The following RBFOX1 variants were observed in gnomAD, a reference collection of about 807,000 sequenced individuals.
RBFOX1 encodes the protein RNA binding fox-1 homolog 1.
RBFOX1 carries 8 observed loss-of-function variants against 57.7 expected under a neutral mutation model. The ratio of observed to expected loss-of-function variants is 0.14; its 90% CI spans 0.08 to 0.25. The LOEUF (loss-of-function observed/expected upper bound fraction) is 0.25. Ranked by LOEUF, RBFOX1 falls within the 10% of genes least tolerant of loss-of-function variation. RBFOX1 has a pLI of 1.00. For missense variants in RBFOX1, 611 were observed against 548.5 expected, an observed-to-expected ratio of 1.11 and a Z score of -1.14; for synonymous variants, 326 against 222.4, an observed-to-expected ratio of 1.47 and a Z score of -4.15.
At chr16:6,689,201 C>A (rs1275349862) in intron 3 of RBFOX1, among the ~76,000 whole-genome samples, 2 of 152,008 alleles carry the variant, frequency 1.3e-5, no homozygotes, top group East Asian at 1.9e-4. Context: ...GAGAGCTTAT[C>A]CTCTAAGGCT....
chr16:7,187,123 G>C (rs943489257), intron 4 of RBFOX1, among the ~76,000 whole-genome samples: 2 of 151,720 alleles, frequency 1.3e-5, no homozygotes, highest in Non-Finnish European at 2.9e-5. Flanking sequence ...GAGCCATGAT[G>C]GTGCCACTGC....
At chr16:6,765,443 G>A (rs912119045) in intron 3 of RBFOX1, among the ~76,000 whole-genome samples, 10 of 152,040 alleles carry the variant, frequency 6.6e-5, no homozygotes, top group Non-Finnish European at 1.5e-5. Context: ...CTGAATACCT[G>A]GGCAATGAAA....
chr16:7,241,268 G>C (rs1022496143), intron 4 of RBFOX1, among the ~76,000 whole-genome samples: 3 of 151,970 alleles, frequency 2.0e-5, no homozygotes, highest in Non-Finnish European at 4.4e-5. Context: ...TCTCAGTCTC[G>C]GCACTACTAT....
intron 3 of RBFOX1, among the ~76,000 whole-genome samples, chr16:5,858,099 C>T (rs1325978280): frequency 6.6e-6 from 1 of 152,050 alleles, no homozygotes. Flanking sequence ...TCCACATTGC[C>T]AAGCTAAATT....
chr16:7,354,522 G>GA (rs774062683), intron 4 of RBFOX1, among the ~76,000 whole-genome samples: 9 of 151,606 alleles, frequency 5.9e-5, no homozygotes, highest in Admixed American at 4.6e-4. Flanking sequence ...AATGAGCTTG[G>GA]AAAAAAAACT....
chr16:5,263,128 T>C (rs1311444351), intron 1 of RBFOX1, among the ~76,000 whole-genome samples: 1 of 152,162 alleles, frequency 6.6e-6, no homozygotes, highest in Non-Finnish European at 1.5e-5. Flanking sequence ...CTAATTGGGC[T>C]TCTGCTATTC....
At chr16:6,865,373 A>G (rs1396363470) in intron 3 of RBFOX1, among the ~76,000 whole-genome samples, 1 of 152,174 alleles carries the variant, frequency 6.6e-6, no homozygotes, top group Non-Finnish European at 1.5e-5. Flanking sequence ...AACATGAAAA[A>G]TGCAGAAAAA....
chr16:5,477,464 G>T (rs1471227952), intron 2 of RBFOX1, among the ~76,000 whole-genome samples: 1 of 152,188 alleles, frequency 6.6e-6, no homozygotes, highest in Non-Finnish European at 1.5e-5. Flanking sequence ...TTTCCTACCA[G>T]GTGGCCCAGA....
At chr16:6,859,297 C>T (rs2058597297) in intron 3 of RBFOX1, among the ~76,000 whole-genome samples, 1 of 150,288 alleles carries the variant, frequency 6.7e-6, no homozygotes, top group African/African-American at 2.5e-5. Flanking sequence ...GTTCCCATCT[C>T]ATTCGTTGAT....
intron 3 of RBFOX1, among the ~76,000 whole-genome samples, chr16:6,907,738 T>TCTGGTGTGACCTC (rs1555610545): frequency 1.3e-5 from 2 of 151,820 alleles, no homozygotes; most frequent in Admixed American, 6.6e-5. Context: ...GCTTGGCTTA[T>TCTGGTGTGACCTC]TTTTTTGCAT....
intron 2 of RBFOX1, among the ~76,000 whole-genome samples, chr16:6,341,131 G>T (rs1341007638): frequency 1.3e-5 from 2 of 152,170 alleles, no homozygotes; most frequent in Admixed American, 1.3e-4. Context: ...AGTTCTGGAA[G>T]TTAAAAGTCT....
chr16:5,938,583 C>G (rs2059215842), intron 4 of RBFOX1, among the ~76,000 whole-genome samples: 1 of 152,142 alleles, frequency 6.6e-6, no homozygotes, highest in South Asian at 2.1e-4. Flanking sequence ...TTCCCACATC[C>G]TTGAATTTTT....
chr16:6,520,900 C>G (rs1169736325), intron 2 of RBFOX1, among the ~76,000 whole-genome samples: 2 of 151,996 alleles, frequency 1.3e-5, no homozygotes, highest in African/African-American at 4.8e-5. Context: ...GAAAAAAATC[C>G]AATAAAATTT....
At chr16:7,044,503 C>G (rs1313189086) in intron 3 of RBFOX1, among the ~76,000 whole-genome samples, 2 of 152,150 alleles carry the variant, frequency 1.3e-5, no homozygotes, top group Admixed American at 1.3e-4. Context: ...ACATCTCGTT[C>G]AACCGGGAGA....
At chr16:6,796,681 C>G (rs1429313914) in intron 3 of RBFOX1, among the ~76,000 whole-genome samples, 1 of 152,102 alleles carries the variant, frequency 6.6e-6, no homozygotes, top group African/African-American at 2.4e-5. Flanking sequence ...ACAGATGTTA[C>G]CAATTGGTAA....
At chr16:7,111,811 A>G (rs1244684013) in intron 4 of RBFOX1, among the ~76,000 whole-genome samples, 1 of 151,800 alleles carries the variant, frequency 6.6e-6, no homozygotes, top group Non-Finnish European at 1.5e-5. Context: ...TTTTTCCCCC[A>G]AAGGAGAGAA....
At chr16:6,256,169 A>G (rs1020906217) in intron 1 of RBFOX1, among the ~76,000 whole-genome samples, 1 of 12,244 alleles carries the variant, frequency 8.2e-5, no homozygotes, top group East Asian at 0.026. Context: ...GTATATATAT[A>G]TGTATATATA....
intron 3 of RBFOX1, among the ~76,000 whole-genome samples, chr16:6,720,782 G>C (rs920151036): frequency 1.2e-4 from 19 of 152,150 alleles, no homozygotes; most frequent in African/African-American, 4.6e-4. Context: ...TCTTCAAATA[G>C]GTGATAAAGT....
At chr16:7,177,104 A>G (rs2081826148) in intron 4 of RBFOX1, among the ~76,000 whole-genome samples, 1 of 152,244 alleles carries the variant, frequency 6.6e-6, no homozygotes, top group Admixed American at 6.5e-5. Flanking sequence ...AGACAACTCC[A>G]TTTAGTATTG....
Sources: gnomAD v4.1 joint callset for allele counts (sites outside exome capture counted in the v4.1 genomes callset) on GRCh38, gnomAD v4.1.1 for gene constraint, MANE v1.5 for transcripts, NCBI Gene and HGNC (gene_info 2026-07-23, HGNC 2026-07-21) for gene names.